Variants in PTPRD observed in about 807,000 individuals in gnomAD.
PTPRD encodes the protein receptor-type tyrosine-protein phosphatase delta.
PTPRD carries 34 observed loss-of-function variants against 214.5 expected under a neutral mutation model. The observed-to-expected ratio is 0.16, with a 90% confidence interval of 0.12 to 0.21. The LOEUF is 0.21. Among genes scored for constraint, PTPRD ranks in the 10% least tolerant of loss-of-function variants. PTPRD has a pLI of 1.00. For missense variants in PTPRD, 2,545 were observed against 2,398.7 expected (o/e 1.06, Z -1.27); for synonymous variants, 1,128 against 845.7 (o/e 1.33, Z -5.79).
At chr9:9,158,937 T>C (rs995178373) in intron 10 of PTPRD, among the ~76,000 whole-genome samples, 1 of 152,096 alleles carries the variant, frequency 6.6e-6, no homozygotes, top group Non-Finnish European at 1.5e-5. Flanking sequence ...TACACCACAG[T>C]AACAAAACAA....
chr9:9,869,014 G>T (rs191155778), intron 5 of PTPRD, among the ~76,000 whole-genome samples: 48 of 150,750 alleles, frequency 3.2e-4, no homozygotes, highest in African/African-American at 1.1e-3. Flanking sequence ...TAATTAAGAG[G>T]CATAATTTGA....
At chr9:10,470,711 T>C (rs1354309807) in intron 2 of PTPRD, among the ~76,000 whole-genome samples, 1 of 152,118 alleles carries the variant, frequency 6.6e-6, no homozygotes. Context: ...CAAAACTGTT[T>C]TCAGAAATTT....
chr9:10,183,687 G>T (rs868448996), intron 3 of PTPRD, among the ~76,000 whole-genome samples: 12 of 152,178 alleles, frequency 7.9e-5, no homozygotes, highest in Middle Eastern at 3.4e-3. Context: ...GATGAAAAAT[G>T]AAAAAGTAAG....
chr9:9,635,763 C>T (rs2095745928), intron 7 of PTPRD, among the ~76,000 whole-genome samples: 2 of 152,166 alleles, frequency 1.3e-5, no homozygotes, highest in South Asian at 4.1e-4. Flanking sequence ...TTCCTTGCTT[C>T]CTAAAACACT....
At chr9:10,227,195 C>G (rs1156464492) in intron 3 of PTPRD, among the ~76,000 whole-genome samples, 1 of 151,958 alleles carries the variant, frequency 6.6e-6, no homozygotes, top group African/African-American at 2.4e-5. Flanking sequence ...GACTTGTTTA[C>G]TATTACTGTC....
At chr9:9,786,127 A>T (rs868655740) in intron 5 of PTPRD, among the ~76,000 whole-genome samples, 3 of 152,044 alleles carry the variant, frequency 2.0e-5, no homozygotes, top group Non-Finnish European at 2.9e-5. Flanking sequence ...TAACCTAAAA[A>T]TTTTTCATGT....
chr9:9,604,708 T>C (rs1341278999), intron 7 of PTPRD, among the ~76,000 whole-genome samples: 1 of 152,068 alleles, frequency 6.6e-6, no homozygotes, highest in Non-Finnish European at 1.5e-5. Context: ...TCTATATGTA[T>C]GGGTGGCAAA....
chr9:9,435,152 T>C (rs1433866688), intron 8 of PTPRD, among the ~76,000 whole-genome samples: 1 of 152,082 alleles, frequency 6.6e-6, no homozygotes, highest in Non-Finnish European at 1.5e-5. Context: ...TATTTTTTGA[T>C]CATCTTGGCC....
chr9:9,448,662 T>C (rs1015649942), intron 8 of PTPRD, among the ~76,000 whole-genome samples: 54 of 152,072 alleles, frequency 3.6e-4, no homozygotes, highest in African/African-American at 1.2e-3. Flanking sequence ...GTTACACACA[T>C]AATAGGGAAG....
At chr9:9,845,690 A>T (rs961792728) in intron 5 of PTPRD, among the ~76,000 whole-genome samples, 3 of 152,022 alleles carry the variant, frequency 2.0e-5, no homozygotes, top group African/African-American at 7.2e-5. Context: ...ATCTACCCAT[A>T]CTCGAAAAAA....
At chr9:10,149,782 G>T (rs971592431) in intron 3 of PTPRD, among the ~76,000 whole-genome samples, 3 of 150,654 alleles carry the variant, frequency 2.0e-5, no homozygotes, top group Non-Finnish European at 4.4e-5. Flanking sequence ...CCAGGCTGGA[G>T]TGCGGTGGTG....
chr9:9,955,674 C>T (rs2093857312), intron 4 of PTPRD, among the ~76,000 whole-genome samples: 1 of 152,044 alleles, frequency 6.6e-6, no homozygotes, highest in Non-Finnish European at 1.5e-5. Flanking sequence ...CAGGTGCCCG[C>T]CACCATGCCC....
At chr9:9,301,278 A>G (rs928828397) in intron 9 of PTPRD, among the ~76,000 whole-genome samples, 1 of 151,902 alleles carries the variant, frequency 6.6e-6, no homozygotes, top group African/African-American at 2.4e-5. Flanking sequence ...CTGTCAAAAC[A>G]GATTTCATGC....
chr9:9,432,612 C>T (rs1377040357), intron 8 of PTPRD, among the ~76,000 whole-genome samples: 1 of 152,150 alleles, frequency 6.6e-6, no homozygotes, highest in East Asian at 1.9e-4. Context: ...ATAAACCCAA[C>T]AGTGCAGACC....
At chr9:8,922,762 T>G (rs559553303) in intron 11 of PTPRD, among the ~76,000 whole-genome samples, 29 of 151,910 alleles carry the variant, frequency 1.9e-4, no homozygotes, top group African/African-American at 7.0e-4. Context: ...TTCTCCTGCC[T>G]CAGCCTCCCG....
intron 8 of PTPRD, among the ~76,000 whole-genome samples, chr9:9,473,173 A>G (rs2094751820): frequency 6.6e-6 from 1 of 152,108 alleles, no homozygotes; most frequent in African/African-American, 2.4e-5. Flanking sequence ...TCTACTTCTG[A>G]GAGATGATTT....
intron 5 of PTPRD, among the ~76,000 whole-genome samples, chr9:9,768,982 C>T (rs544224256): frequency 3.9e-5 from 6 of 152,206 alleles, no homozygotes; most frequent in Non-Finnish European, 7.4e-5. Context: ...CTGATAGGCA[C>T]ATACACCCTA....
chr9:8,317,605 T>G lies in PTPRD; in HGVS notation c.*269A>C, dbSNP rs148195513. 3.0e-6 allele frequency: 1 copy of G among 330,606 alleles called. No individual in the cohort carries two copies. Among genetic ancestry groups the G allele is most frequent in the Non-Finnish European group, 5.8e-6 (1 of 173,880 alleles). 20.5% of individuals were successfully genotyped at this position (330,606 alleles called of 1,614,324 possible). A position where few individuals can be genotyped will look rare whatever the true frequency, so the allele number is the denominator to read the frequency against. ...GCTGTGATTTCTTCTTCCCTTGATT[T>G]TGAATCCTTGAGGTATCTGTAAATA... On this transcript the variant is annotated 3_prime_UTR_variant, in exon 46 of 46. Coordinates refer to ENST00000381196, the MANE Select transcript of PTPRD (RefSeq NM_002839.4).
At chr9:8,991,781 T>A (rs943741846) in intron 11 of PTPRD, among the ~76,000 whole-genome samples, 1 of 152,194 alleles carries the variant, frequency 6.6e-6, no homozygotes, top group African/African-American at 2.4e-5. Context: ...ATACATTTGC[T>A]AGTTCATAAT....
Sources: allele counts gnomAD v4.1 joint callset (sites outside exome capture counted in the v4.1 genomes callset), GRCh38; gene constraint gnomAD v4.1.1; transcripts MANE v1.5; gene names NCBI Gene and HGNC (gene_info 2026-07-23, HGNC 2026-07-21).